Variants in EML1 observed in about 807,000 individuals in gnomAD.
EML1 encodes the protein echinoderm microtubule-associated protein-like 1.
A neutral mutation model predicts 110.4 loss-of-function variants in EML1; 27 were observed. The observed-to-expected ratio is 0.24, with a 90% CI of 0.18 to 0.34. EML1 has a LOEUF of 0.34. EML1 is among the 10% of genes least tolerant of loss of function. EML1 has a pLI of 1.00. For synonymous variants in EML1, 344 were observed against 385.8 expected (o/e 0.89, Z 1.27); for missense variants, 741 against 1,030.9 (o/e 0.72, Z 3.85).
At chr14:99,898,616 G>A (rs2059710042) in intron 8 of EML1, among the ~76,000 whole-genome samples, 1 of 152,124 alleles carries the variant, frequency 6.6e-6, no homozygotes, top group Non-Finnish European at 1.5e-5. Flanking sequence ...GCCAGGCGTG[G>A]TGTCACATGA....
chr14:99,811,061 C>T (rs1595318948), intron 1 of EML1, among the ~76,000 whole-genome samples: 1 of 149,424 alleles, frequency 6.7e-6, no homozygotes, highest in East Asian at 1.9e-4. Context: ...TGGTGGTTCT[C>T]CCCGTCTCTT....
At chr14:99,794,807 C>T (rs1362464816) in intron 1 of EML1, among the ~76,000 whole-genome samples, 1 of 152,116 alleles carries the variant, frequency 6.6e-6, no homozygotes, top group African/African-American at 2.4e-5. Flanking sequence ...TTTTGAGCCT[C>T]AGAAGGTGTT....
intron 1 of EML1, among the ~76,000 whole-genome samples, chr14:99,806,860 CAT>C (rs1337862462): frequency 1.3e-5 from 2 of 152,112 alleles, no homozygotes; most frequent in South Asian, 2.1e-4. Flanking sequence ...TGATGAGGGG[CAT>C]ATGTTTGCTA....
chr14:99,813,103 G>T (rs2058108551), intron 1 of EML1, among the ~76,000 whole-genome samples: 1 of 152,144 alleles, frequency 6.6e-6, no homozygotes, highest in African/African-American at 2.4e-5. Flanking sequence ...CTTGAGGAAA[G>T]CTGATTAATC....
At chr14:99,887,948 A>C (rs749931577) in intron 4 of EML1, among the ~76,000 whole-genome samples, 38 of 152,184 alleles carry the variant, frequency 2.5e-4, no homozygotes, top group Non-Finnish European at 5.3e-4. Context: ...CAAGAGTGAA[A>C]TTACCTCCTC....
At position 99,755,038 on chromosome 14, in the gene EML1, G is replaced by C. The variant is rs548129208; in HGVS notation, c.28+17178G>C. Among the ~76,000 whole-genome samples the C allele has an allele frequency of 4.9e-4, 75 of 152,384 alleles. 1 individual carries two copies. In the Middle Eastern group the frequency reaches 0.017, roughly 35 times the overall value. On this transcript the variant is annotated intron_variant, in intron 1 of 10. Coordinates refer to the EML1 transcript ENST00000554479. ...AGAAGGAGGCCCAGCATCCTACACG[G>C]GGCAGGGAACAACAGGCCTTTGTGT...
intron 1 of EML1, among the ~76,000 whole-genome samples, chr14:99,813,916 G>C (rs1159697779): frequency 6.6e-6 from 1 of 152,092 alleles, no homozygotes; most frequent in Non-Finnish European, 1.5e-5. Flanking sequence ...GAGGTTGCTG[G>C]TGCCTGGGTC....
At chr14:99,837,249 C>G (rs1372842014) in intron 1 of EML1, among the ~76,000 whole-genome samples, 1 of 152,142 alleles carries the variant, frequency 6.6e-6, no homozygotes, top group Non-Finnish European at 1.5e-5. Flanking sequence ...GGTTCCCTCC[C>G]TGTCTCACAT....
At chr14:99,740,778 T>G (rs1301276573) in intron 1 of EML1, among the ~76,000 whole-genome samples, 1 of 152,200 alleles carries the variant, frequency 6.6e-6, no homozygotes, top group East Asian at 1.9e-4. Context: ...GGTTCGTCAA[T>G]TCTCTCACTG....
At chr14:99,800,618 C>T (rs1566870931) in intron 1 of EML1, among the ~76,000 whole-genome samples, 1 of 152,200 alleles carries the variant, frequency 6.6e-6, no homozygotes, top group Non-Finnish European at 1.5e-5. Context: ...GCCTTGGCTT[C>T]TCAAAATGCT....
intron 8 of EML1, among the ~76,000 whole-genome samples, chr14:99,898,565 C>T (rs1193002158): frequency 6.6e-6 from 1 of 152,116 alleles, no homozygotes; most frequent in Non-Finnish European, 1.5e-5. Context: ...CCAGCCTAGC[C>T]AACATAGTGA....
intron 13 of EML1, among the ~76,000 whole-genome samples, chr14:99,913,877 A>G (rs977737357): frequency 6.6e-6 from 1 of 151,904 alleles, no homozygotes; most frequent in Non-Finnish European, 1.5e-5. Flanking sequence ...TTTAGTAGAG[A>G]CGGGGTTTCA....
chr14:99,885,968 T>C, intron 4 of EML1: 1 of 444,550 alleles, frequency 2.2e-6, no homozygotes, highest in Non-Finnish European at 4.5e-6. Flanking sequence ...TCCACCATGT[T>C]AAGCTGGGAA....
At chr14:99,775,229 A>G (rs539823628) in intron 1 of EML1, among the ~76,000 whole-genome samples, 9 of 152,268 alleles carry the variant, frequency 5.9e-5, no homozygotes, top group African/African-American at 2.2e-4. Context: ...AGCATCCAGG[A>G]GGGATCCGAT....
chr14:99,884,987 G>T (rs918256636), intron 4 of EML1, among the ~76,000 whole-genome samples: 5 of 152,180 alleles, frequency 3.3e-5, no homozygotes, highest in African/African-American at 1.2e-4. Flanking sequence ...TGTCGTAACT[G>T]CCTGTTAACT....
intron 1 of EML1, among the ~76,000 whole-genome samples, chr14:99,822,130 A>T (rs2058274241): frequency 6.6e-6 from 1 of 152,218 alleles, no homozygotes; most frequent in African/African-American, 2.4e-5. Flanking sequence ...GGAAGCTCTG[A>T]TGTCCTACCA....
At chr14:99,754,443 G>C (rs1443339024) in intron 1 of EML1, among the ~76,000 whole-genome samples, 1 of 152,180 alleles carries the variant, frequency 6.6e-6, no homozygotes, top group Non-Finnish European at 1.5e-5. Flanking sequence ...AGACCTCTGG[G>C]TGGGGCCGTG....
chr14:99,862,621 G>A (rs1422512240), intron 2 of EML1, among the ~76,000 whole-genome samples: 1 of 152,120 alleles, frequency 6.6e-6, no homozygotes, highest in African/African-American at 2.4e-5. Flanking sequence ...TTGTTTTGTG[G>A]CTCAAATTGT....
intron 1 of EML1, among the ~76,000 whole-genome samples, chr14:99,750,626 G>A (rs1435839802): frequency 6.6e-6 from 1 of 152,178 alleles, no homozygotes; most frequent in African/African-American, 2.4e-5. Context: ...ACAGTGGGGG[G>A]ATCAGGGTGG....
Sources: allele counts gnomAD v4.1 joint callset (sites outside exome capture counted in the v4.1 genomes callset), GRCh38; gene constraint gnomAD v4.1.1; transcripts MANE v1.5; gene names NCBI Gene and HGNC (gene_info 2026-07-23, HGNC 2026-07-21).